Variants in MROH2A observed in about 807,000 individuals in gnomAD.
MROH2A encodes the protein maestro heat-like repeat-containing protein family member 2A.
A neutral mutation model predicts 200.4 loss-of-function variants in MROH2A; 174 were observed. The ratio of observed to expected loss-of-function variants is 0.87; its 90% CI spans 0.77 to 0.98. MROH2A has a LOEUF of 0.98. Ranked by LOEUF, MROH2A falls within the 50% of genes least tolerant of loss-of-function variation. The pLI is 0.00. For synonymous variants in MROH2A, 829 were observed against 840.4 expected (o/e 0.99, Z 0.23); for missense variants, 2,045 against 2,139.6 (o/e 0.96, Z 0.87).
At chr2:233,778,023 A>G (rs892102479), upstream of MROH2A, among the ~76,000 whole-genome samples, 5 of 152,014 alleles carry the variant, frequency 3.3e-5, no homozygotes, top group Admixed American at 2.6e-4. Flanking sequence ...CTCCTCTCCA[A>G]CTGTCCTGAC....
chr2:233,804,197 G>A lies in MROH2A; in HGVS notation c.1891+5G>A, dbSNP rs1375189264. 6.4e-7 allele frequency: 1 copy of A among 1,550,394 alleles called. No homozygotes were observed. Among genetic ancestry groups the A allele is most frequent in the Non-Finnish European group, 8.7e-7 (1 of 1,146,892 alleles). ...TACTGGTCCGGTACCTGGAAGGTGA[G>A]GTTCCTGGGGAGCCCATCCCAAGCC... On this transcript the variant is annotated splice_donor_5th_base_variant and intron_variant, in intron 17 of 41. Transcript: ENST00000389758.
In MROH2A at chr2:233,807,813, G is replaced by T; in HGVS notation, c.2253G>T (p.Arg751Ser). The change falls in exon 21 of 42, where the codon AGG becomes AGT. Residue 751 changes from arginine to serine, a missense_variant. Arg to Ser is a moderately radical substitution (Grantham distance 110). Transcript: ENST00000389758. The surrounding 1 kb of genome is among the most constrained non-coding windows in gnomAD (Gnocchi z 4.3). ...VLNVLHDFEE[R>S]IQESEQSWQI... ...ATGTGCTTCATGACTTCGAGGAGAGGATCCAGGAGTCAGAGCAGTCCTGGC... is the reference window on the plus strand; with the variant it reads ...ATGTGCTTCATGACTTCGAGGAGAGTATCCAGGAGTCAGAGCAGTCCTGGC... 6.4e-7 allele frequency: 1 copy of T among 1,550,972 alleles called. No homozygotes were observed. The highest frequency in any genetic ancestry group is 8.7e-7 in the Non-Finnish European group (1 of 1,147,068).
intron 34 of MROH2A, 21 bp downstream of exon 34, chr2:233,823,039 G>T (rs1704054479): frequency 1.3e-6 from 2 of 1,549,000 alleles, no homozygotes; most frequent in African/African-American, 1.4e-5. Flanking sequence ...GCTCCCACAG[G>T]GTGGCAGGGG....
chr2:233,804,675 G>C, intron 18 of MROH2A, 128 bp downstream of exon 18: 1 of 840,382 alleles, frequency 1.2e-6, no homozygotes. Flanking sequence ...CCTTCTGTCA[G>C]AGAAGACTTG....
chr2:233,778,291 A>T (rs1700768925), upstream of MROH2A: 1 of 165,274 alleles, frequency 6.1e-6, no homozygotes, highest in Non-Finnish European at 1.5e-5. Flanking sequence ...TCTAACGGTG[A>T]TAGTTCTAGT....
At chr2:233,805,158 A>ATCACCCCT in intron 19 of MROH2A, 47 bp downstream of exon 19, 4 of 1,327,906 alleles carry the variant, frequency 3.0e-6, no homozygotes, top group Non-Finnish European at 4.2e-6. Context: ...AGTAGACTCC[A>ATCACCCCT]GGGGTGAGGG....
intron 5 of MROH2A, 41 bp from the exon 6 acceptor site, chr2:233,792,755 C>T: frequency 7.5e-7 from 1 of 1,325,714 alleles, no homozygotes; most frequent in Non-Finnish European, 1.1e-6. Context: ...CTGCTCACCC[C>T]CAGCCCCAAC....
chr2:233,809,295 C>T lies in MROH2A; in HGVS notation c.2448+17C>T, dbSNP rs750164674. The T allele has an allele frequency of 3.2e-6, 5 of 1,547,320 alleles. No individual in the cohort carries two copies. The highest frequency in any genetic ancestry group is 1.7e-4 in the Middle Eastern group (1 of 6,002). On this transcript the variant is annotated intron_variant, in intron 22 of 41. Transcript: ENST00000389758. ...AGCTGCCAGGTAGCCCCATCTGCTG[C>T]CTGGGGGGATGTCTTCTGGACCAGG...
rs949326606 is a variant in MROH2A at position 233,829,718 on chromosome 2, G to C, written c.4545G>C (p.Lys1515Asn). 1 of 1,492,658 alleles carries C rather than the reference G, an allele frequency of 6.7e-7. No homozygotes were observed. Among genetic ancestry groups the C allele is most frequent in the Non-Finnish European group, 8.9e-7 (1 of 1,118,196 alleles). The allele number at this position is 1,492,658 out of a possible 1,614,324, so 92.5% of individuals were successfully genotyped here. ...AGCATTTCTTCAAAGGGGAGGTGAA[G>C]AAGGCCTGGATCCCCCTCATGCTGC... ...SKKHFFKGEVKKAWIPLMLHS... is the reference protein window; with the variant it reads ...SKKHFFKGEVNKAWIPLMLHS... The change falls in exon 38 of 42, where the codon AAG becomes AAC. Residue 1515 changes from lysine to asparagine, a missense_variant. Physicochemically the swap from Lys to Asn is moderately conservative, Grantham distance 94. This residue lies in a region of MROH2A where 1,201 missense variants were observed against 1,311.3 expected (regional missense o/e 0.92). Transcript: ENST00000389758.
rs754103260 is a variant in MROH2A at position 233,829,032 on chromosome 2, T to C, written c.4406T>C (p.Phe1469Ser). The change falls in exon 37 of 42, where the codon TTC becomes TCC. Residue 1469 changes from phenylalanine to serine, a missense_variant. Phe to Ser is a radical substitution (Grantham distance 155). Around this residue, in one of 3 missense-constraint regions of MROH2A, gnomAD observed 1,201 missense variants for 1,311.3 expected, o/e 0.92. Coordinates refer to ENST00000389758, the MANE Select transcript of MROH2A (RefSeq NM_001394639.1). The part of the protein sequence containing the change: ...ELREGDVGSS[F>S]DAMSEQCRIF... ...CGGGAAGGGGATGTGGGGTCCTCTT[T>C]CGACGCCATGTCTGAGCAGTGCAGG... is the stretch of plus-strand genomic sequence containing the variant. 5.2e-6 allele frequency: 8 copies of C among 1,548,346 alleles called. 1 individual carries two copies. The highest frequency in any genetic ancestry group is 1.7e-4 in the Middle Eastern group (1 of 6,004).
chr2:233,785,230 T>C (rs1403538305), intron 3 of MROH2A, among the ~76,000 whole-genome samples: 1 of 151,786 alleles, frequency 6.6e-6, no homozygotes, highest in East Asian at 1.9e-4. Flanking sequence ...AAAGGACAGT[T>C]TATTGGCTGG....
chr2:233,833,347 A>G lies in MROH2A; in HGVS notation c.*88A>G. The G allele has an allele frequency of 7.5e-7, 1 of 1,341,122 alleles. No homozygotes were observed. The highest frequency in any genetic ancestry group is 9.9e-7 in the Non-Finnish European group (1 of 1,011,196). The allele number at this position is 1,341,122 out of a possible 1,614,324, so 83.1% of individuals were successfully genotyped here. A position where few individuals can be genotyped will look rare whatever the true frequency, so the allele number is the denominator to read the frequency against. Reference sequence around the variant, plus strand: ...GTTTGTAAGAAGTTTAGTTTGTAGGAAAAACACTATTGTAAAATAACTAGT... The same window carrying G: ...GTTTGTAAGAAGTTTAGTTTGTAGGGAAAACACTATTGTAAAATAACTAGT... On this transcript the variant is annotated 3_prime_UTR_variant, in exon 42 of 42. Transcript: ENST00000389758.
chr2:233,824,017 G>C (rs985523901), intron 35 of MROH2A, among the ~76,000 whole-genome samples: 4 of 152,318 alleles, frequency 2.6e-5, no homozygotes, highest in African/African-American at 4.8e-5. Context: ...TGGGAAGGCA[G>C]GGCCCAGCGA....
At chr2:233,815,575 G>A (rs1020518598) in intron 26 of MROH2A, among the ~76,000 whole-genome samples, 1 of 152,198 alleles carries the variant, frequency 6.6e-6, no homozygotes, top group Non-Finnish European at 1.5e-5. Flanking sequence ...ATGGTCTGAG[G>A]TACGGGTCAA....
intron 6 of MROH2A, among the ~76,000 whole-genome samples, chr2:233,793,110 G>C (rs891536181): frequency 6.6e-6 from 1 of 152,170 alleles, no homozygotes; most frequent in Non-Finnish European, 1.5e-5. Context: ...GAAGATCCCG[G>C]CTTAGAGGGA....
chr2:233,829,167 C>T lies in MROH2A; in HGVS notation c.4446+95C>T, dbSNP rs577805349. 57 of 1,212,708 alleles carry T rather than the reference C, an allele frequency of 4.7e-5. No individual in the cohort carries two copies. In the African/African-American group the frequency reaches 5.4e-4, roughly 11 times the overall value. The allele number at this position is 1,212,708 out of a possible 1,614,324, so 75.1% of individuals were successfully genotyped here. A position where few individuals can be genotyped will look rare whatever the true frequency, so the allele number is the denominator to read the frequency against. ...GATGGGCTCTAGAGCAGAAAAGAGC[C>T]GAGGCTCCTGCTGGGTGTCAGTTTA... On this transcript the variant is annotated intron_variant, in intron 37 of 41. Coordinates refer to ENST00000389758, the MANE Select transcript of MROH2A (RefSeq NM_001394639.1).
intron 3 of MROH2A, among the ~76,000 whole-genome samples, chr2:233,787,750 AT>A (rs1169161303): frequency 2.2e-5 from 1 of 46,138 alleles, no homozygotes; most frequent in African/African-American, 8.7e-5. Flanking sequence ...TATTATATAT[AT>A]TATATATATC....
chr2:233,807,396 G>A lies in MROH2A; in HGVS notation c.2053-27G>A. ...GAAGGCTGGCTGTAGGGAGGCCTGA[G>A]CTCCTTCCTCCCTTCTGCCTCTCCA... On this transcript the variant is annotated intron_variant, in intron 19 of 41. Coordinates refer to ENST00000389758, the MANE Select transcript of MROH2A (RefSeq NM_001394639.1). This position sits in a 1 kb window ranked among gnomAD's most constrained non-coding sequence, Gnocchi z 4.3. 2 of 1,538,452 alleles carry A rather than the reference G, an allele frequency of 1.3e-6. No homozygotes were observed.
chr2:233,819,485 C>T lies in MROH2A; in HGVS notation c.3357+16C>T. The T allele has an allele frequency of 6.5e-7, 1 of 1,548,080 alleles. No homozygotes were observed. The highest frequency in any genetic ancestry group is 1.2e-5 in the South Asian group (1 of 83,874). On this transcript the variant is annotated intron_variant, in intron 30 of 41. Coordinates refer to ENST00000389758, the MANE Select transcript of MROH2A (RefSeq NM_001394639.1). Reference sequence around the variant, plus strand: ...GGAGGACAAGGTGGCAGAGCCGCGGCAGGGCCACCAGAGAGAGGGGCTGGG... The same window carrying T: ...GGAGGACAAGGTGGCAGAGCCGCGGTAGGGCCACCAGAGAGAGGGGCTGGG...
Sources: allele counts gnomAD v4.1 joint callset (sites outside exome capture counted in the v4.1 genomes callset), GRCh38; gene constraint gnomAD v4.1.1; regional missense constraint gnomAD v4.1.1; non-coding constraint Gnocchi (gnomAD v3.1); transcripts MANE v1.5; gene names NCBI Gene and HGNC (gene_info 2026-07-23, HGNC 2026-07-21).